Variants in FHIT observed in about 807,000 individuals in gnomAD.
FHIT encodes the protein bis(5'-adenosyl)-triphosphatase.
Under a neutral mutation model 17.9 loss-of-function variants are expected in FHIT, and 19 were observed. That is an observed-to-expected ratio of 1.06 (90% CI 0.74 to 1.56). The LOEUF (loss-of-function observed/expected upper bound fraction) is 1.56. FHIT is among the 40% of genes most tolerant of loss of function. The pLI is 0.00. For synonymous variants in FHIT, 81 were observed against 69.7 expected, an observed-to-expected ratio of 1.16 and a Z score of -0.81; for missense variants, 248 against 189.2, an observed-to-expected ratio of 1.31 and a Z score of -1.82.
At chr3:60,629,140 G>T (rs909960732) in intron 4 of FHIT, among the ~76,000 whole-genome samples, 1 of 152,104 alleles carries the variant, frequency 6.6e-6, no homozygotes, top group African/African-American at 2.4e-5. Flanking sequence ...GTTTAGGGCA[G>T]AGGGAATGAG....
chr3:60,461,366 A>C (rs1052316074), intron 5 of FHIT, among the ~76,000 whole-genome samples: 1 of 152,210 alleles, frequency 6.6e-6, no homozygotes, highest in African/African-American at 2.4e-5. Flanking sequence ...CTCTCCTTTT[A>C]TAGAAAGAGA....
chr3:60,557,873 G>C (rs997489331), intron 4 of FHIT, among the ~76,000 whole-genome samples: 4 of 151,940 alleles, frequency 2.6e-5, no homozygotes, highest in Non-Finnish European at 4.4e-5. Flanking sequence ...AATCTTAAAG[G>C]CTTTTGCTTT....
At chr3:60,495,072 A>G (rs191126238) in intron 5 of FHIT, among the ~76,000 whole-genome samples, 1 of 152,148 alleles carries the variant, frequency 6.6e-6, no homozygotes, top group East Asian at 1.9e-4. Context: ...TGGCTGTACT[A>G]ATTTACATTC....
At chr3:60,985,425 C>T (rs377294166) in intron 3 of FHIT, among the ~76,000 whole-genome samples, 2 of 152,070 alleles carry the variant, frequency 1.3e-5, no homozygotes, top group African/African-American at 4.8e-5. Flanking sequence ...TGAGAAACTC[C>T]CTGAAATTTC....
At chr3:59,760,289 T>G (rs1701442861) in intron 8 of FHIT, among the ~76,000 whole-genome samples, 2 of 152,128 alleles carry the variant, frequency 1.3e-5, no homozygotes, top group African/African-American at 4.8e-5. Flanking sequence ...AAGTAAGTAT[T>G]AACTAGAAAA....
intron 4 of FHIT, among the ~76,000 whole-genome samples, chr3:60,731,210 G>A (rs190152251): frequency 2.6e-5 from 4 of 152,192 alleles, no homozygotes; most frequent in South Asian, 2.1e-4. Flanking sequence ...TGAGTCATGC[G>A]TCATCAAAGA....
At chr3:60,169,200 C>T (rs1363932638) in intron 5 of FHIT, among the ~76,000 whole-genome samples, 3 of 152,156 alleles carry the variant, frequency 2.0e-5, no homozygotes, top group African/African-American at 4.8e-5. Context: ...TTCCTGCCCC[C>T]GTTCCTGCCA....
At chr3:59,972,547 C>A (rs79030876) in intron 7 of FHIT, among the ~76,000 whole-genome samples, 1 of 152,076 alleles carries the variant, frequency 6.6e-6, no homozygotes, top group African/African-American at 2.4e-5. Context: ...TCCAGTGTCA[C>A]CTGTCTCACA....
At chr3:60,613,891 G>A (rs1169796904) in intron 4 of FHIT, among the ~76,000 whole-genome samples, 2 of 152,086 alleles carry the variant, frequency 1.3e-5, no homozygotes, top group African/African-American at 4.8e-5. Context: ...AGGTACCCAA[G>A]AGAAGAAATC....
rs112961093 is a variant in FHIT, at chr3:61,053,003, T to C, written c.-163-10904A>G. Among the ~76,000 whole-genome samples, 601 of 152,304 alleles carry C rather than the reference T, an allele frequency of 3.9e-3. 4 individuals are homozygous for C. Among genetic ancestry groups the C allele is most frequent in the African/African-American group, 0.014 (566 of 41,564 alleles). ...ACAACTGCTGTGGTATTTTGATAAATATTAACAGAAAATGTGAAACTTTGA... is the reference window on the plus strand; with the variant it reads ...ACAACTGCTGTGGTATTTTGATAAACATTAACAGAAAATGTGAAACTTTGA... On this transcript the variant is annotated intron_variant, in intron 2 of 9. Transcript: ENST00000492590.
chr3:60,442,510 C>T (rs2030976586), intron 5 of FHIT, among the ~76,000 whole-genome samples: 1 of 152,122 alleles, frequency 6.6e-6, no homozygotes, highest in South Asian at 2.1e-4. Context: ...GTTTTCCCAG[C>T]ACCATTTGTT....
At chr3:61,195,349 G>A (rs2038825965) in intron 2 of FHIT, among the ~76,000 whole-genome samples, 1 of 152,082 alleles carries the variant, frequency 6.6e-6, no homozygotes, top group African/African-American at 2.4e-5. Flanking sequence ...CACCTATGAA[G>A]TCAAAAGGTA....
intron 2 of FHIT, among the ~76,000 whole-genome samples, chr3:61,147,511 G>A (rs1323164023): frequency 6.6e-6 from 1 of 151,946 alleles, no homozygotes; most frequent in Non-Finnish European, 1.5e-5. Flanking sequence ...TTAATATGCT[G>A]CAATATGAAT....
chr3:61,092,658 T>A (rs1249540623), intron 2 of FHIT, among the ~76,000 whole-genome samples: 3 of 152,160 alleles, frequency 2.0e-5, no homozygotes, highest in African/African-American at 7.2e-5. Context: ...GAAAAAGTTA[T>A]CTGAAGATGA....
intron 4 of FHIT, among the ~76,000 whole-genome samples, chr3:60,708,781 T>C (rs1559656977): frequency 6.6e-6 from 1 of 152,332 alleles, no homozygotes; most frequent in East Asian, 1.9e-4. Context: ...GCTTATTCCA[T>C]GGGAAAATGT....
intron 5 of FHIT, among the ~76,000 whole-genome samples, chr3:60,181,939 G>GA (rs922316922): frequency 5.9e-5 from 9 of 152,088 alleles, no homozygotes; most frequent in Admixed American, 1.3e-4. Flanking sequence ...ATGATGCTCT[G>GA]AAAAACAAAT....
At chr3:60,906,447 G>A (rs368230738) in intron 3 of FHIT, among the ~76,000 whole-genome samples, 34 of 152,170 alleles carry the variant, frequency 2.2e-4, no homozygotes, top group Non-Finnish European at 4.9e-4. Flanking sequence ...TCTACCTATC[G>A]CCTAGCGGCA....
chr3:60,965,149 T>C (rs1466842974), intron 3 of FHIT, among the ~76,000 whole-genome samples: 6 of 151,982 alleles, frequency 3.9e-5, no homozygotes, highest in Non-Finnish European at 8.8e-5. Context: ...CTTTTTTCTC[T>C]AAACGTCTCT....
At chr3:59,939,069 A>C (rs1352383955) in intron 7 of FHIT, among the ~76,000 whole-genome samples, 1 of 152,208 alleles carries the variant, frequency 6.6e-6, no homozygotes, top group African/African-American at 2.4e-5. Context: ...ACAATAAAAG[A>C]GGCAACAGAC....
Sources: gnomAD v4.1 joint callset for allele counts (sites outside exome capture counted in the v4.1 genomes callset) on GRCh38, gnomAD v4.1.1 for gene constraint, MANE v1.5 for transcripts, NCBI Gene and HGNC (gene_info 2026-07-23, HGNC 2026-07-21) for gene names.